The following KANSL2 variants were observed in gnomAD, a reference collection of about 807,000 sequenced individuals.
KANSL2 encodes NSL complex protein NSL2.
A neutral mutation model predicts 55.6 loss-of-function variants in KANSL2; 34 were observed. That is an observed-to-expected ratio of 0.61 (90% confidence interval 0.46 to 0.81). The LOEUF (loss-of-function observed/expected upper bound fraction) is 0.81, where lower values mean the gene tolerates loss of function less well. Among genes scored for constraint, KANSL2 ranks in the 40% least tolerant of loss-of-function variants. The pLI, the probability that KANSL2 is intolerant of heterozygous loss-of-function variation, is 0.00. For synonymous variants in KANSL2, 209 were observed against 214.3 expected (o/e 0.98, Z 0.22); for missense variants, 502 against 609.9 (o/e 0.82, Z 1.86).
At position 48,679,129 on chromosome 12, in the gene KANSL2, C is replaced by G; in HGVS notation, c.452G>C (p.Gly151Ala). 4 of 1,613,622 alleles carry G rather than the reference C, an allele frequency of 2.5e-6. No individual in the cohort carries two copies. The South Asian group carries it at 4.4e-5, about 18-fold the overall frequency. ...ATCCACAGTAATGGGTTCCTGCTCCCCATCACTCCAGCTGTCTTCATCTGA... is the reference window on the plus strand; with the variant it reads ...ATCCACAGTAATGGGTTCCTGCTCCGCATCACTCCAGCTGTCTTCATCTGA... Reference protein sequence around the residue: ...RILDEDSWSDGEQEPITVDQT... With the variant: ...RILDEDSWSDAEQEPITVDQT... The change falls in exon 4 of 10, where the codon GGG (glycine) becomes GCG (alanine). Residue 151 changes from glycine (G) to alanine (A), a missense_variant. Physicochemically the swap from Gly to Ala is moderately conservative, Grantham distance 60. Coordinates refer to ENST00000420613, the MANE Select transcript of KANSL2 (RefSeq NM_017822.4).
intron 4 of KANSL2, among the ~76,000 whole-genome samples, chr12:48,673,574 A>G (rs112739773): frequency 0.012 from 1,859 of 151,290 alleles, 45 homozygotes; most frequent in African/African-American, 0.044. Flanking sequence ...AAAGAAAAAA[A>G]AAAAAAAAGA....
intron 4 of KANSL2, among the ~76,000 whole-genome samples, chr12:48,673,117 A>G (rs1939757650): frequency 6.6e-6 from 1 of 152,162 alleles, no homozygotes; most frequent in African/African-American, 2.4e-5. Context: ...GGACCCTCAA[A>G]TAACTAGTCA....
At chr12:48,672,433 A>ATATATATT (rs371918890) in intron 4 of KANSL2, among the ~76,000 whole-genome samples, 35 of 120,372 alleles carry the variant, frequency 2.9e-4, no homozygotes, top group Admixed American at 2.2e-3. Flanking sequence ...ATATATATAT[A>ATATATATT]TTTTTTTTTT....
intron 4 of KANSL2, among the ~76,000 whole-genome samples, chr12:48,676,503 C>T (rs893093975): frequency 1.3e-5 from 2 of 152,002 alleles, no homozygotes; most frequent in Non-Finnish European, 2.9e-5. Context: ...ACTAAAAACA[C>T]AAAAATCAGC....
intron 7 of KANSL2, among the ~76,000 whole-genome samples, chr12:48,666,294 G>GTT (rs1939597585): frequency 1.3e-5 from 2 of 151,952 alleles, no homozygotes; most frequent in South Asian, 4.1e-4. Context: ...GCTGATGACT[G>GTT]TAAGCCCAGC....
At chr12:48,668,554 C>A (rs1368289691) in intron 6 of KANSL2, among the ~76,000 whole-genome samples, 1 of 152,094 alleles carries the variant, frequency 6.6e-6, no homozygotes, top group African/African-American at 2.4e-5. Context: ...ACAAAATCAG[C>A]CAGACATGGT....
chr12:48,659,292 TAA>T (rs796806054), intron 8 of KANSL2, among the ~76,000 whole-genome samples: 1 of 130,170 alleles, frequency 7.7e-6, no homozygotes. Flanking sequence ...AGACTCAGTC[TAA>T]AAAAAAAAAA....
In KANSL2 at chr12:48,654,992, G is replaced by A. The variant is rs1212335807; in HGVS notation, c.1296C>T (p.Thr432=). The A allele has an allele frequency of 2.5e-6, 4 of 1,585,366 alleles. No individual in the cohort carries two copies. The highest frequency in any genetic ancestry group is 1.7e-6 in the Non-Finnish European group (2 of 1,165,510). The part of the protein sequence containing the change: ...PSPLLFDPSL[T]LEDHLVKEIA... ...TTTCTTTGACTAAATGATCTTCAAG[G>A]GTTAGTGAAGGATCAAAAAGCAAAG... The change falls in exon 9 of 10, where the codon ACC becomes ACT. Residue 432 remains threonine (T), a synonymous_variant. Coordinates refer to ENST00000420613, the MANE Select transcript of KANSL2 (RefSeq NM_017822.4).
intron 8 of KANSL2, among the ~76,000 whole-genome samples, chr12:48,655,763 T>C (rs1275583367): frequency 6.6e-6 from 1 of 152,038 alleles, no homozygotes; most frequent in Non-Finnish European, 1.5e-5. Flanking sequence ...CACCACTGAC[T>C]TGTACACTTA....
chr12:48,678,281 G>A (rs1364691557), intron 4 of KANSL2, among the ~76,000 whole-genome samples: 2 of 152,270 alleles, frequency 1.3e-5, no homozygotes, highest in South Asian at 2.1e-4. Context: ...TGAGACTCCA[G>A]AGTGGTAATG....
Position 48,653,389 on chromosome 12 carries a change from T to G in KANSL2, c.*655A>C, listed in dbSNP as rs1463945898. On this transcript the variant is annotated 3_prime_UTR_variant, in exon 10 of 10. Coordinates refer to ENST00000420613, the MANE Select transcript of KANSL2 (RefSeq NM_017822.4). ...AAACCGCGAAAAAGAAACTATATTC[T>G]CAAACAAAACATGCATTCAATTCAG... 6.6e-6 allele frequency: 1 copy of G among 152,642 alleles called. No homozygotes were observed. The highest frequency in any genetic ancestry group is 1.5e-5 in the Non-Finnish European group (1 of 68,044). 9.5% of individuals were successfully genotyped at this position (152,642 alleles called of 1,614,324 possible).
chr12:48,669,326 T>C, intron 5 of KANSL2, 54 bp from the exon 6 acceptor site: 1 of 1,388,382 alleles, frequency 7.2e-7, no homozygotes, highest in Non-Finnish European at 9.6e-7. Context: ...CAAGGTTACG[T>C]CTCCAAGTCA....
chr12:48,657,376 G>C (rs961101692), intron 8 of KANSL2, among the ~76,000 whole-genome samples: 1 of 152,046 alleles, frequency 6.6e-6, no homozygotes, highest in Non-Finnish European at 1.5e-5. Context: ...AGTGAGCCGA[G>C]ACTGCACCAC....
intron 8 of KANSL2, among the ~76,000 whole-genome samples, chr12:48,659,090 T>TA (rs1334355371): frequency 2.0e-5 from 3 of 148,864 alleles, no homozygotes; most frequent in Non-Finnish European, 3.0e-5. Flanking sequence ...GGCCAGGAGT[T>TA]AGAGACCAGC....
chr12:48,667,999 T>C (rs1483400434), intron 6 of KANSL2, among the ~76,000 whole-genome samples: 4 of 152,182 alleles, frequency 2.6e-5, no homozygotes, highest in Non-Finnish European at 5.9e-5. Flanking sequence ...CACCTCTCCA[T>C]ATTCTAAAAG....
intron 9 of KANSL2, 96 bp from the exon 10 acceptor site, chr12:48,654,271 A>G: frequency 1.7e-6 from 2 of 1,204,316 alleles, no homozygotes; most frequent in Non-Finnish European, 1.2e-6. Context: ...ACTAGCAATA[A>G]GAACAATACA....
At chr12:48,668,525 C>A (rs1347868702) in intron 6 of KANSL2, among the ~76,000 whole-genome samples, 1 of 152,148 alleles carries the variant, frequency 6.6e-6, no homozygotes, top group African/African-American at 2.4e-5. Flanking sequence ...CATGGAGAAA[C>A]CCCGTCTCTA....
chr12:48,665,261 C>T (rs1006045809), intron 7 of KANSL2, among the ~76,000 whole-genome samples: 2 of 152,190 alleles, frequency 1.3e-5, no homozygotes, highest in Non-Finnish European at 2.9e-5. Flanking sequence ...TCCTTCTCCT[C>T]TCCCTATTAA....
chr12:48,660,195 T>C (rs1939462516), intron 8 of KANSL2, among the ~76,000 whole-genome samples, 171 bp downstream of exon 8: 2 of 152,164 alleles, frequency 1.3e-5, no homozygotes, highest in South Asian at 4.1e-4. Context: ...AAATATAAGG[T>C]AGGGTAGATT....
Sources: allele counts gnomAD v4.1 joint callset (sites outside exome capture counted in the v4.1 genomes callset), GRCh38; gene constraint gnomAD v4.1.1; transcripts MANE v1.5; gene names NCBI Gene and HGNC (gene_info 2026-07-23, HGNC 2026-07-21).